The following SLC25A21 variants were observed in gnomAD, a reference collection of about 807,000 sequenced individuals.
SLC25A21 encodes the protein solute carrier family 25 member 21, also known as mitochondrial 2-oxodicarboxylate carrier.
SLC25A21 carries 47 observed loss-of-function variants against 43.8 expected under a neutral mutation model. The ratio of observed to expected loss-of-function variants is 1.07; its 90% CI spans 0.85 to 1.37. The LOEUF (loss-of-function observed/expected upper bound fraction) is 1.37. Among genes scored for constraint, SLC25A21 ranks in the 40% most tolerant of loss-of-function variants. SLC25A21 has a pLI of 0.00. For missense variants in SLC25A21, 352 were observed against 350.2 expected (o/e 1.00, Z -0.04); for synonymous variants, 131 against 121.3 (o/e 1.08, Z -0.52).
At chr14:37,096,483 T>C (rs917951428) in intron 1 of SLC25A21, among the ~76,000 whole-genome samples, 3 of 152,244 alleles carry the variant, frequency 2.0e-5, no homozygotes, top group Non-Finnish European at 2.9e-5. Flanking sequence ...CTACATCCTC[T>C]TTAAGGCCAA....
At chr14:36,753,463 C>T (rs568461462) in intron 3 of SLC25A21, among the ~76,000 whole-genome samples, 1 of 152,048 alleles carries the variant, frequency 6.6e-6, no homozygotes, top group Non-Finnish European at 1.5e-5. Flanking sequence ...GGGAACATAT[C>T]ACTACATCTT....
chr14:37,014,550 A>G (rs2045936667), intron 1 of SLC25A21, among the ~76,000 whole-genome samples: 1 of 151,938 alleles, frequency 6.6e-6, no homozygotes, highest in African/African-American at 2.4e-5. Flanking sequence ...GAACCCCTCA[A>G]AGTCTTCTAT....
At chr14:37,060,435 C>T (rs1049209173) in intron 1 of SLC25A21, among the ~76,000 whole-genome samples, 1 of 146,934 alleles carries the variant, frequency 6.8e-6, no homozygotes, top group African/African-American at 2.5e-5. Context: ...TGATGTAACC[C>T]AAGAGAAGTA....
At position 36,786,279 on chromosome 14, in the gene SLC25A21, G is replaced by A. The variant is rs527475567; in HGVS notation, c.203+27639C>T. 2.6e-5 allele frequency among the ~76,000 whole-genome samples: 4 copies of A among 152,292 alleles called. No individual in the cohort carries two copies. In the South Asian group the frequency reaches 6.2e-4, roughly 24 times the overall value. On this transcript the variant is annotated intron_variant, in intron 3 of 9. Transcript: ENST00000331299. Reference sequence around the variant, plus strand: ...TCATTAAAGGTTATTCCTGTTCCCTGCTGTTTGGCATGTTTCAAGCCTCTA... The same window carrying A: ...TCATTAAAGGTTATTCCTGTTCCCTACTGTTTGGCATGTTTCAAGCCTCTA...
chr14:37,069,091 A>G (rs1003948924), intron 1 of SLC25A21, among the ~76,000 whole-genome samples: 1 of 152,032 alleles, frequency 6.6e-6, no homozygotes, highest in Non-Finnish European at 1.5e-5. Context: ...GCAGGAGAAT[A>G]GCGTGAACCT....
At chr14:36,937,388 C>A (rs770866894) in intron 1 of SLC25A21, among the ~76,000 whole-genome samples, 1 of 152,218 alleles carries the variant, frequency 6.6e-6, no homozygotes, top group East Asian at 1.9e-4. Context: ...AACATGCTTA[C>A]GCTTAACCAT....
chr14:36,895,763 G>T lies in SLC25A21; in HGVS notation c.71-20759C>A, dbSNP rs1323772329. On this transcript the variant is annotated intron_variant, in intron 1 of 9. Transcript: ENST00000331299. ...TGTCTTTGTTCTCATTGGTTTCAAA[G>T]AACATCTTTATTTCTGCCTTCATTT... is the stretch of plus-strand genomic sequence containing the variant. Among the ~76,000 whole-genome samples, 3 of 152,134 alleles carry T rather than the reference G, an allele frequency of 2.0e-5. No individual in the cohort carries two copies. In the East Asian group the frequency reaches 5.8e-4, roughly 29 times the overall value.
intron 7 of SLC25A21, among the ~76,000 whole-genome samples, chr14:36,693,903 C>G (rs981032022): frequency 2.0e-5 from 3 of 152,034 alleles, no homozygotes; most frequent in Non-Finnish European, 4.4e-5. Context: ...AAAAGTTCCA[C>G]CAAAATTTTT....
At chr14:37,155,030 G>A (rs1036767603) in intron 1 of SLC25A21, among the ~76,000 whole-genome samples, 4 of 151,612 alleles carry the variant, frequency 2.6e-5, no homozygotes, top group Admixed American at 6.6e-5. Context: ...TTTGGTAATA[G>A]AGTAGATGAG....
At chr14:36,934,195 C>A (rs994965884) in intron 1 of SLC25A21, among the ~76,000 whole-genome samples, 1 of 151,964 alleles carries the variant, frequency 6.6e-6, no homozygotes, top group Non-Finnish European at 1.5e-5. Flanking sequence ...TTATTATTAA[C>A]CTTTTAGGAC....
intron 1 of SLC25A21, among the ~76,000 whole-genome samples, chr14:36,971,631 AAGAG>A (rs1221411373): frequency 6.6e-6 from 1 of 152,062 alleles, no homozygotes; most frequent in East Asian, 1.9e-4. Flanking sequence ...AAAAAGGAGA[AAGAG>A]AGAGAGAGCT....
intron 1 of SLC25A21, among the ~76,000 whole-genome samples, chr14:36,936,909 G>A (rs555636418): frequency 3.3e-5 from 5 of 152,248 alleles, no homozygotes; most frequent in African/African-American, 1.2e-4. Flanking sequence ...TTTGCTGCGT[G>A]TATTCCTGCT....
chr14:36,680,219 AT>A lies in SLC25A21; in HGVS notation c.*438del, dbSNP rs1566485782. 2 of 900,744 alleles carry A rather than the reference AT, an allele frequency of 2.2e-6. No homozygotes were observed. The highest frequency in any genetic ancestry group is 1.3e-6 in the Non-Finnish European group (1 of 753,312). The allele number at this position is 900,744 out of a possible 1,614,324, so 55.8% of individuals were successfully genotyped here. On this transcript the variant is annotated 3_prime_UTR_variant, in exon 10 of 10. Transcript: ENST00000331299. ...TTAATTCATTATAAAAACTGCTTAA[AT>A]TTTGGCTTAACTTTTTTTTAATCCA...
chr14:37,013,478 A>G (rs771555909), intron 1 of SLC25A21, among the ~76,000 whole-genome samples: 3 of 152,188 alleles, frequency 2.0e-5, no homozygotes, highest in Admixed American at 1.3e-4. Context: ...AGCTTTCTGT[A>G]TCTTAACCAT....
intron 1 of SLC25A21, among the ~76,000 whole-genome samples, chr14:37,004,107 T>C (rs1246848546): frequency 2.0e-5 from 3 of 152,160 alleles, no homozygotes; most frequent in African/African-American, 7.2e-5. Context: ...AATGTTTTCT[T>C]TGACTATGAT....
intron 1 of SLC25A21, among the ~76,000 whole-genome samples, chr14:37,042,000 T>C (rs564374600): frequency 6.6e-6 from 1 of 152,198 alleles, no homozygotes; most frequent in Non-Finnish European, 1.5e-5. Context: ...CCACATCAAG[T>C]GGAGAAGCTG....
chr14:36,694,866 C>A (rs1277218344), intron 7 of SLC25A21, among the ~76,000 whole-genome samples: 1 of 152,108 alleles, frequency 6.6e-6, no homozygotes, highest in Non-Finnish European at 1.5e-5. Flanking sequence ...GTTGCCTGTT[C>A]TCTCTGATGG....
At chr14:36,973,221 G>C (rs1428965901) in intron 1 of SLC25A21, among the ~76,000 whole-genome samples, 1 of 152,062 alleles carries the variant, frequency 6.6e-6, no homozygotes, top group Non-Finnish European at 1.5e-5. Context: ...ATGTAAGACA[G>C]ATAGGAATGG....
intron 1 of SLC25A21, among the ~76,000 whole-genome samples, chr14:36,996,582 T>A (rs751903742): frequency 6.6e-6 from 1 of 152,186 alleles, no homozygotes; most frequent in Non-Finnish European, 1.5e-5. Flanking sequence ...TTGTTCTTGA[T>A]ACTGTTTGAA....
Sources: allele counts gnomAD v4.1 joint callset (sites outside exome capture counted in the v4.1 genomes callset), GRCh38; gene constraint gnomAD v4.1.1; transcripts MANE v1.5; gene names NCBI Gene and HGNC (gene_info 2026-07-23, HGNC 2026-07-21).